Variants in KCNMA1 observed in about 807,000 individuals in gnomAD.
The protein encoded by KCNMA1 is Calcium-activated potassium channel subunit alpha-1.
A neutral mutation model predicts 140.0 loss-of-function variants in KCNMA1; 29 were observed. The observed-to-expected ratio is 0.21, with a 90% CI of 0.15 to 0.28. KCNMA1 has a LOEUF of 0.28. Ranked by LOEUF, KCNMA1 falls within the 10% of genes least tolerant of loss-of-function variation. The probability of loss-of-function intolerance (pLI) is 1.00; values close to 1 mark genes in which losing one functional copy is unlikely to be tolerated. For missense variants in KCNMA1, 880 were observed against 1,602.2 expected (o/e 0.55, Z 7.70); for synonymous variants, 612 against 611.9 (o/e 1.00, Z 0.00).
chr10:77,123,163 G>T (rs2097658251), intron 5 of KCNMA1, among the ~76,000 whole-genome samples: 1 of 109,726 alleles, frequency 9.1e-6, no homozygotes, highest in African/African-American at 3.6e-5. Context: ...CTGGGCGACA[G>T]AGCGAGACTC....
intron 14 of KCNMA1, among the ~76,000 whole-genome samples, chr10:77,055,648 T>C (rs79016792): frequency 0.024 from 3,595 of 152,248 alleles, 156 homozygotes; most frequent in African/African-American, 0.082. Context: ...AAAAAACCTA[T>C]GGTCCTGAGA....
intron 16 of KCNMA1, chr10:77,019,442 A>G (rs2092572247): frequency 3.5e-6 from 1 of 284,184 alleles, no homozygotes; most frequent in African/African-American, 2.2e-5. Flanking sequence ...TCCTTTTGAA[A>G]CTGCTATTGG....
At chr10:76,955,929 C>T (rs1385041539) in intron 20 of KCNMA1, among the ~76,000 whole-genome samples, 1 of 152,150 alleles carries the variant, frequency 6.6e-6, no homozygotes, top group Non-Finnish European at 1.5e-5. Context: ...GAGCCAGGTT[C>T]AAATTCTCTT....
At chr10:77,356,759 C>T (rs1282079007) in intron 2 of KCNMA1, among the ~76,000 whole-genome samples, 1 of 152,154 alleles carries the variant, frequency 6.6e-6, no homozygotes, top group African/African-American at 2.4e-5. Context: ...CTCTCAATCC[C>T]TCTGTTTTAA....
chr10:76,920,020 G>GTATATATATATA (rs1169838049), intron 23 of KCNMA1, among the ~76,000 whole-genome samples: 1,158 of 34,298 alleles, frequency 0.034, 102 homozygotes, highest in East Asian at 0.055. Context: ...GTGTGTGTGT[G>GTATATATATATA]TATATATATA....
chr10:77,178,492 A>C (rs1162780055), intron 5 of KCNMA1, among the ~76,000 whole-genome samples: 3 of 152,112 alleles, frequency 2.0e-5, no homozygotes, highest in Non-Finnish European at 2.9e-5. Flanking sequence ...AGATCACCTG[A>C]GGTCAGGAGT....
chr10:77,281,369 T>G (rs7099352), intron 2 of KCNMA1, among the ~76,000 whole-genome samples: 62,888 of 152,030 alleles, frequency 0.41, 15,933 homozygotes, highest in African/African-American at 0.71. Flanking sequence ...CAGGTTGCAT[T>G]TGAGTGCTTT....
chr10:77,432,005 G>C (rs2097165473), intron 1 of KCNMA1, among the ~76,000 whole-genome samples: 2 of 150,568 alleles, frequency 1.3e-5, no homozygotes, highest in Admixed American at 6.7e-5. Context: ...AAAAAAAAAA[G>C]GCTCACAGCA....
chr10:77,489,116 C>A (rs535936422), intron 1 of KCNMA1, among the ~76,000 whole-genome samples: 1 of 151,992 alleles, frequency 6.6e-6, no homozygotes, highest in South Asian at 2.1e-4. Context: ...GATCTCAGGG[C>A]GATGGGTAGA....
At chr10:77,428,628 T>C (rs1488629406) in intron 1 of KCNMA1, among the ~76,000 whole-genome samples, 1 of 152,130 alleles carries the variant, frequency 6.6e-6, no homozygotes, top group Non-Finnish European at 1.5e-5. Context: ...CAGACATAAT[T>C]GCATTGGTCC....
chr10:77,172,911 C>T (rs2098721009), intron 5 of KCNMA1, among the ~76,000 whole-genome samples: 1 of 152,074 alleles, frequency 6.6e-6, no homozygotes, highest in Admixed American at 6.6e-5. Flanking sequence ...TGTTTCCCTG[C>T]ATGGTGGGAG....
downstream of KCNMA1, chr10:76,877,541 A>G: frequency 2.2e-6 from 1 of 448,734 alleles, no homozygotes; most frequent in Non-Finnish European, 4.1e-6. Flanking sequence ...TCATTTATAA[A>G]TGAAATCATT....
intron 5 of KCNMA1, among the ~76,000 whole-genome samples, chr10:77,129,783 C>T (rs2153983169): frequency 1.4e-5 from 2 of 144,098 alleles, no homozygotes; most frequent in African/African-American, 5.1e-5. Flanking sequence ...CTGGCTGATC[C>T]AATAAAAAAA....
intron 2 of KCNMA1, among the ~76,000 whole-genome samples, chr10:77,342,255 A>C (rs1483461369): frequency 1.3e-5 from 2 of 152,232 alleles, no homozygotes; most frequent in African/African-American, 4.8e-5. Context: ...TATTAAGATA[A>C]TTTTAATGAT....
intron 3 of KCNMA1, among the ~76,000 whole-genome samples, chr10:77,226,385 G>A (rs1174865770): frequency 6.6e-6 from 1 of 151,928 alleles, no homozygotes; most frequent in African/African-American, 2.4e-5. Context: ...GCAGTTGAAA[G>A]GAGCTGACCA....
intron 5 of KCNMA1, among the ~76,000 whole-genome samples, chr10:77,145,153 C>T (rs1333118830): frequency 6.6e-6 from 1 of 152,182 alleles, no homozygotes; most frequent in Non-Finnish European, 1.5e-5. Context: ...TCCTAGGACC[C>T]TGTAGGTGTG....
intron 24 of KCNMA1, chr10:76,913,979 A>G: frequency 8.9e-7 from 1 of 1,118,980 alleles, no homozygotes. Context: ...GTGAAATAAA[A>G]ACAAGCTGAT....
intron 1 of KCNMA1, among the ~76,000 whole-genome samples, chr10:77,572,212 T>G (rs1475762703): frequency 6.6e-6 from 1 of 152,080 alleles, no homozygotes; most frequent in African/African-American, 2.4e-5. Context: ...ACACATGATG[T>G]GGGCCAAAAG....
At chr10:77,384,860 T>C (rs940705503) in intron 2 of KCNMA1, among the ~76,000 whole-genome samples, 8 of 152,224 alleles carry the variant, frequency 5.3e-5, no homozygotes, top group African/African-American at 1.9e-4. Context: ...CTATGCCCAT[T>C]CATTCCTTCA....
Sources: gnomAD v4.1 joint callset for allele counts (sites outside exome capture counted in the v4.1 genomes callset) on GRCh38, gnomAD v4.1.1 for gene constraint, MANE v1.5 for transcripts, NCBI Gene and HGNC (gene_info 2026-07-23, HGNC 2026-07-21) for gene names.